The following RARS1 variants were observed in gnomAD, a reference collection of about 807,000 sequenced individuals.
RARS1 encodes the protein arginyl-tRNA synthetase 1, also known as arginine--tRNA ligase, cytoplasmic.
Under a neutral mutation model 78.7 loss-of-function variants are expected in RARS1, and 75 were observed. That is an observed-to-expected ratio of 0.95 (90% CI 0.79 to 1.15). The LOEUF (loss-of-function observed/expected upper bound fraction) is 1.15. RARS1 is among the 50% of genes most tolerant of loss of function. The pLI is 0.00. For synonymous variants in RARS1, 273 were observed against 268.2 expected, an observed-to-expected ratio of 1.02 and a Z score of -0.18; for missense variants, 787 against 787.5, an observed-to-expected ratio of 1.00 and a Z score of 0.01.
rs1758673391 is a variant in RARS1, at chr5:168,516,764, T to C, written c.1453-14T>C. ...GTCAGTAAGCTATGAAATACTGTTT[T>C]GTTTTTCCCAAAGGTCTTAACTGCA... On this transcript the variant is annotated splice_polypyrimidine_tract_variant and intron_variant, in intron 12 of 14. Transcript: ENST00000231572. 2.5e-6 allele frequency: 4 copies of C among 1,613,426 alleles called. No homozygotes were observed. The highest frequency in any genetic ancestry group is 3.4e-6 in the Non-Finnish European group (4 of 1,179,534).
intron 10 of RARS1, 31 bp downstream of exon 10, chr5:168,506,230 T>C: frequency 1.3e-6 from 2 of 1,485,102 alleles, no homozygotes; most frequent in South Asian, 2.5e-5. Context: ...GTGTTTTACA[T>C]TGACTGATTA....
At chr5:168,493,277 G>C (rs1326400639) in intron 3 of RARS1, 1 of 160,120 alleles carries the variant, frequency 6.2e-6, no homozygotes, top group Non-Finnish European at 1.4e-5. Context: ...TTTAAATAGA[G>C]GCATTGTCTG....
At position 168,497,253 on chromosome 5, in the gene RARS1, A is replaced by G; in HGVS notation, c.727A>G (p.Thr243Ala). 3.2e-6 allele frequency: 5 copies of G among 1,581,998 alleles called. No homozygotes were observed. Among genetic ancestry groups the G allele is most frequent in the Non-Finnish European group, 4.3e-6 (5 of 1,162,246 alleles). ...GTTAAATCATGTAGGAGACTGGGGG[A>G]CCCAGTTTGGCATGCTCATCGCTCA... is the stretch of plus-strand genomic sequence containing the variant. ...LRLNHVGDWGTQFGMLIAHLQ... is the reference protein window; with the variant it reads ...LRLNHVGDWGAQFGMLIAHLQ... Residue 243 changes from threonine to alanine, a missense_variant, in exon 7 of 15, where the codon ACC (threonine) becomes GCC (alanine). Physicochemically the swap from Thr to Ala is moderately conservative, Grantham distance 58. Transcript: ENST00000231572.
intron 1 of RARS1, among the ~76,000 whole-genome samples, chr5:168,487,361 G>A (rs538512643): frequency 6.6e-6 from 1 of 151,480 alleles, no homozygotes; most frequent in African/African-American, 2.4e-5. Flanking sequence ...GTGAGACTCC[G>A]TCCCCCTACA....
At chr5:168,504,302 A>G (rs1417330865) in intron 9 of RARS1, among the ~76,000 whole-genome samples, 1 of 151,448 alleles carries the variant, frequency 6.6e-6, no homozygotes, top group Non-Finnish European at 1.5e-5. Flanking sequence ...AAGGTGAGCG[A>G]ATCACGAGGA....
rs2305730 is a variant in RARS1 at position 168,495,458 on chromosome 5, A to G, written c.701+22A>G. ...TCAGGTATGTGCTCTTGCCTTGCGT[A>G]CTATTCTCTTTCCTTATTTTCTTGT... On this transcript the variant is annotated intron_variant, in intron 6 of 14. Transcript: ENST00000231572. 42,537 of 1,599,652 alleles carry G rather than the reference A, an allele frequency of 0.027. 3,003 individuals carry two copies. The highest frequency in any genetic ancestry group is 0.26 in the Admixed American group (15,156 of 59,112).
At chr5:168,508,983 A>G (rs940151628) in intron 11 of RARS1, among the ~76,000 whole-genome samples, 11 of 152,068 alleles carry the variant, frequency 7.2e-5, no homozygotes, top group Non-Finnish European at 1.3e-4. Context: ...TAAAGGGGGT[A>G]TTAGGCATCT....
At chr5:168,487,542 A>C (rs971823456) in intron 1 of RARS1, among the ~76,000 whole-genome samples, 2 of 152,166 alleles carry the variant, frequency 1.3e-5, no homozygotes, top group African/African-American at 4.8e-5. Flanking sequence ...TTTCTGAGCC[A>C]TTTATTTATC....
At chr5:168,503,044 A>G (rs981827209) in intron 9 of RARS1, among the ~76,000 whole-genome samples, 3 of 152,220 alleles carry the variant, frequency 2.0e-5, no homozygotes, top group African/African-American at 7.2e-5. Flanking sequence ...AAGAGGCTTC[A>G]TTAGATTCTG....
Position 168,519,113 on chromosome 5 carries a change from C to T in RARS1, c.1906C>T (p.Leu636=), listed in dbSNP as rs575537181. The T allele has an allele frequency of 6.2e-7, 1 of 1,613,904 alleles. No homozygotes were observed. Among genetic ancestry groups the T allele is most frequent in the East Asian group, 2.2e-5 (1 of 44,856 alleles). The change falls in exon 15 of 15, where the codon CTG becomes TTG. Residue 636 remains leucine, a synonymous_variant. Coordinates refer to ENST00000231572, the MANE Select transcript of RARS1 (RefSeq NM_002887.4). ...ATTGAAGGTGAACATGTGGCGTATG[C>T]TGCTATGTGAAGCAGTAGCTGCTGT... ...KILKVNMWRM[L]LCEAVAAVMA...
chr5:168,502,384 A>ATATATATATATATATTTTT (rs1280220276), intron 9 of RARS1, among the ~76,000 whole-genome samples: 3 of 127,234 alleles, frequency 2.4e-5, no homozygotes, highest in African/African-American at 9.5e-5. Flanking sequence ...ATATATATAT[A>ATATATATATATATATTTTT]TTTTTTTTTT....
chr5:168,499,775 T>C (rs1305677242), intron 7 of RARS1, among the ~76,000 whole-genome samples: 1 of 152,224 alleles, frequency 6.6e-6, no homozygotes, highest in African/African-American at 2.4e-5. Context: ...ATATCTAGAT[T>C]TGTTCATTAA....
Position 168,518,071 on chromosome 5 carries a change from C to CTGTTTTTTTTTTTTTTTTTTTTT in RARS1, c.1873+10_1873+11insGTTTTTTTTTTTTTTTTTTTTTT, listed in dbSNP as rs1758710097. On this transcript the variant is annotated intron_variant, in intron 14 of 14. Coordinates refer to ENST00000231572, the MANE Select transcript of RARS1 (RefSeq NM_002887.4). ...GAAAGATAGACAGACTGGTGAGTGT[C>CTGTTTTTTTTTTTTTTTTTTTTT]TTTTTTTTTTTTTTTTTTTTTTTTA... The CTGTTTTTTTTTTTTTTTTTTTTT allele has an allele frequency of 1.6e-6, 1 of 632,602 alleles. No homozygotes were observed. The highest frequency in any genetic ancestry group is 1.9e-6 in the Non-Finnish European group (1 of 525,704). 39.2% of individuals were successfully genotyped at this position (632,602 alleles called of 1,614,324 possible).
intron 12 of RARS1, among the ~76,000 whole-genome samples, chr5:168,513,642 T>G (rs964243325): frequency 6.6e-6 from 1 of 152,184 alleles, no homozygotes; most frequent in Non-Finnish European, 1.5e-5. Context: ...TTAGGCTTAT[T>G]GGTCATCTAG....
chr5:168,493,633 C>CAAA (rs35001933), intron 3 of RARS1, among the ~76,000 whole-genome samples: 1,333 of 78,032 alleles, frequency 0.017, 54 homozygotes, highest in Middle Eastern at 0.052. Flanking sequence ...GACTCCATCT[C>CAAA]AAAAAAAAAA....
At chr5:168,488,407 C>T (rs942715723) in intron 1 of RARS1, 195 bp from the exon 2 acceptor site, 3 of 561,244 alleles carry the variant, frequency 5.3e-6, no homozygotes, top group East Asian at 3.4e-5. Context: ...GGATTACAGG[C>T]GTGAGCCACC....
Position 168,492,641 on chromosome 5 carries a change from T to C in RARS1, c.181-18T>C. 1 of 1,550,886 alleles carries C rather than the reference T, an allele frequency of 6.4e-7. No homozygotes were observed. Among genetic ancestry groups the C allele is most frequent in the Non-Finnish European group, 8.9e-7 (1 of 1,126,604 alleles). On this transcript the variant is annotated intron_variant, in intron 2 of 14. Transcript: ENST00000231572. ...GTTTTACGTACATTATTGACATGTT[T>C]CCATTCTTTTCCTACAGAGTCTTCA...
chr5:168,487,598 G>A (rs1411498512), intron 1 of RARS1, among the ~76,000 whole-genome samples: 1 of 152,162 alleles, frequency 6.6e-6, no homozygotes, highest in Non-Finnish European at 1.5e-5. Flanking sequence ...AATCATGAAG[G>A]TAATTTCTGA....
intron 9 of RARS1, among the ~76,000 whole-genome samples, chr5:168,505,369 G>C (rs1758414683): frequency 6.6e-6 from 1 of 152,140 alleles, no homozygotes; most frequent in African/African-American, 2.4e-5. Context: ...TATGAACATG[G>C]ATTTAATTTT....
Sources: allele counts gnomAD v4.1 joint callset (sites outside exome capture counted in the v4.1 genomes callset), GRCh38; gene constraint gnomAD v4.1.1; transcripts MANE v1.5; gene names NCBI Gene and HGNC (gene_info 2026-07-23, HGNC 2026-07-21).